MSH4: variants seen among roughly 807,000 people sequenced by gnomAD.
MSH4 encodes mutS protein homolog 4.
Under a neutral mutation model 113.7 loss-of-function variants are expected in MSH4, and 106 were observed. The observed-to-expected ratio is 0.93, with a 90% CI of 0.80 to 1.10. The LOEUF (loss-of-function observed/expected upper bound fraction) is 1.10. Among genes scored for constraint, MSH4 ranks in the 50% least tolerant of loss-of-function variants. The pLI is 0.00. For synonymous variants in MSH4, 368 were observed against 380.2 expected (o/e 0.97, Z 0.37); for missense variants, 1,061 against 1,093.7 (o/e 0.97, Z 0.42).
At chr1:75,840,023 G>A (rs1650918140) in intron 7 of MSH4, among the ~76,000 whole-genome samples, 1 of 150,424 alleles carries the variant, frequency 6.6e-6, no homozygotes, top group Non-Finnish European at 1.5e-5. Context: ...GAAACAACAG[G>A]TGCTGGAGAG....
chr1:75,904,611 A>C (rs1652580700), intron 19 of MSH4, among the ~76,000 whole-genome samples: 1 of 151,930 alleles, frequency 6.6e-6, no homozygotes, highest in Non-Finnish European at 1.5e-5. Flanking sequence ...TCCTAGCTCA[A>C]GTAATCCTCT....
chr1:75,844,751 A>G (rs1332897244), intron 7 of MSH4, among the ~76,000 whole-genome samples: 1 of 152,248 alleles, frequency 6.6e-6, no homozygotes, highest in Non-Finnish European at 1.5e-5. Flanking sequence ...GAATAAAATA[A>G]GTTTTTGAGT....
chr1:75,862,860 A>C (rs1256975218), intron 8 of MSH4, among the ~76,000 whole-genome samples: 1 of 152,172 alleles, frequency 6.6e-6, no homozygotes, highest in Non-Finnish European at 1.5e-5. Flanking sequence ...CTTTTTAAGA[A>C]TATTGATTCC....
chr1:75,839,982 C>G (rs1197006629), intron 7 of MSH4, among the ~76,000 whole-genome samples: 38 of 145,948 alleles, frequency 2.6e-4, no homozygotes, highest in Non-Finnish European at 5.2e-4. Flanking sequence ...CCATCTCACA[C>G]CAGTTAGAAT....
intron 4 of MSH4, among the ~76,000 whole-genome samples, chr1:75,814,291 C>CAAA (rs138983828): frequency 9.9e-5 from 10 of 101,262 alleles, no homozygotes; most frequent in Non-Finnish European, 1.4e-4. Context: ...TATCTCTGCT[C>CAAA]AAAAAAAAAA....
At chr1:75,863,901 G>A (rs904766263) in intron 8 of MSH4, among the ~76,000 whole-genome samples, 2 of 152,058 alleles carry the variant, frequency 1.3e-5, no homozygotes, top group African/African-American at 4.8e-5. Context: ...AAAATGTAAT[G>A]TTACATTGAT....
At chr1:75,903,066 T>C (rs921305289) in intron 19 of MSH4, among the ~76,000 whole-genome samples, 6 of 151,638 alleles carry the variant, frequency 4.0e-5, no homozygotes, top group African/African-American at 7.3e-5. Context: ...TATATAAGTG[T>C]ATTTTTGCTT....
intron 19 of MSH4, among the ~76,000 whole-genome samples, 184 bp downstream of exon 19, chr1:75,899,890 A>G (rs1054501369): frequency 6.5e-4 from 98 of 151,500 alleles, no homozygotes; most frequent in African/African-American, 2.2e-3. Flanking sequence ...GGTTTGGTCT[A>G]TTATAATCCT....
At chr1:75,829,315 G>A (rs1418544338) in intron 7 of MSH4, among the ~76,000 whole-genome samples, 1 of 152,214 alleles carries the variant, frequency 6.6e-6, no homozygotes, top group Non-Finnish European at 1.5e-5. Flanking sequence ...GCCCACCGCA[G>A]CTCAAGGAGG....
chr1:75,807,289 T>C (rs1004721719), intron 3 of MSH4, 148 bp downstream of exon 3: 1 of 558,174 alleles, frequency 1.8e-6, no homozygotes, highest in East Asian at 3.5e-5. Flanking sequence ...AAAATAAAAC[T>C]GTGTTATATC....
intron 8 of MSH4, among the ~76,000 whole-genome samples, chr1:75,851,344 A>C (rs1243317431): frequency 1.3e-5 from 2 of 150,622 alleles, no homozygotes; most frequent in Non-Finnish European, 2.9e-5. Context: ...CATTGCCTTC[A>C]TTAGCTTAAT....
At chr1:75,899,214 G>A (rs1453874035) in intron 18 of MSH4, among the ~76,000 whole-genome samples, 1 of 152,050 alleles carries the variant, frequency 6.6e-6, no homozygotes, top group Non-Finnish European at 1.5e-5. Context: ...GATTTAGGTG[G>A]GTGAATGTTT....
chr1:75,898,142 T>A, intron 18 of MSH4, 61 bp downstream of exon 18: 7 of 1,137,036 alleles, frequency 6.2e-6, no homozygotes, highest in Non-Finnish European at 7.1e-6. Context: ...TAAGACAAAC[T>A]TTCATCTCTT....
At position 75,806,968 on chromosome 1, in the gene MSH4, T is replaced by C. The variant is rs759355462; in HGVS notation, c.428-13T>C. 6.5e-7 allele frequency: 1 copy of C among 1,548,132 alleles called. No homozygotes were observed. Among genetic ancestry groups the C allele is most frequent in the Non-Finnish European group, 8.6e-7 (1 of 1,158,462 alleles). On this transcript the variant is annotated splice_polypyrimidine_tract_variant and intron_variant, in intron 2 of 19. Transcript: ENST00000263187. ...TCAATGTTTATATCTTTTCTTTATT[T>C]AAAAATTTACAGCTTCATCCTCATC...
chr1:75,830,202 A>G (rs1650651353), intron 7 of MSH4, among the ~76,000 whole-genome samples: 1 of 152,182 alleles, frequency 6.6e-6, no homozygotes. Context: ...ATTGAAGATC[A>G]AATGAATGAA....
At chr1:75,906,648 A>C (rs1300908130) in intron 19 of MSH4, among the ~76,000 whole-genome samples, 1 of 135,238 alleles carries the variant, frequency 7.4e-6, no homozygotes, top group Non-Finnish European at 1.5e-5. Flanking sequence ...TTTATTTTAA[A>C]CAGATAACTA....
chr1:75,879,583 G>C (rs955814390), intron 12 of MSH4, among the ~76,000 whole-genome samples: 2 of 151,950 alleles, frequency 1.3e-5, no homozygotes, highest in Non-Finnish European at 2.9e-5. Context: ...TCTAATCTTT[G>C]TTCTATCTGC....
At chr1:75,811,638 T>C (rs1194710525) in intron 4 of MSH4, among the ~76,000 whole-genome samples, 3 of 152,258 alleles carry the variant, frequency 2.0e-5, no homozygotes, top group Admixed American at 6.5e-5. Flanking sequence ...TGTAGGACTG[T>C]AGTGGGTAAG....
rs907099098 is a variant in MSH4 at position 75,913,035 on chromosome 1, C to T, written c.*148C>T. On this transcript the variant is annotated 3_prime_UTR_variant, in exon 20 of 20. Transcript: ENST00000263187. ...ACATCACAATTGTCATCTATATATT[C>T]TATATGAAAAATATTTATTATAACT... 2.6e-6 allele frequency: 1 copy of T among 388,524 alleles called. No individual in the cohort carries two copies. Among genetic ancestry groups the T allele is most frequent in the African/African-American group, 2.1e-5 (1 of 47,876 alleles). The allele number at this position is 388,524 out of a possible 1,614,324, so 24.1% of individuals were successfully genotyped here.
Sources: gnomAD v4.1 joint callset for allele counts (sites outside exome capture counted in the v4.1 genomes callset) on GRCh38, gnomAD v4.1.1 for gene constraint, MANE v1.5 for transcripts, NCBI Gene and HGNC (gene_info 2026-07-23, HGNC 2026-07-21) for gene names.